Variants in CPAMD8 observed in about 807,000 individuals in gnomAD.
CPAMD8 encodes C3 and PZP-like alpha-2-macroglobulin domain-containing protein 8.
A neutral mutation model predicts 224.7 loss-of-function variants in CPAMD8; 146 were observed. The ratio of observed to expected loss-of-function variants is 0.65; its 90% CI spans 0.57 to 0.75. CPAMD8 has a LOEUF of 0.75. Ranked by LOEUF, CPAMD8 falls within the 30% of genes least tolerant of loss-of-function variation. CPAMD8 has a pLI of 0.00. For missense variants in CPAMD8, 2,301 were observed against 2,537.5 expected, an observed-to-expected ratio of 0.91 and a Z score of 2.00; for synonymous variants, 966 against 1,044.6, an observed-to-expected ratio of 0.92 and a Z score of 1.45.
intron 17 of CPAMD8, among the ~76,000 whole-genome samples, chr19:16,973,561 C>T (rs1314215237): frequency 6.6e-6 from 1 of 151,860 alleles, no homozygotes; most frequent in Non-Finnish European, 1.5e-5. Context: ...GTTGGCCAGG[C>T]TGGTCTCGAA....
intron 5 of CPAMD8, 51 bp downstream of exon 5, chr19:17,011,413 T>C (rs374776012): frequency 1.2e-4 from 189 of 1,595,646 alleles, no homozygotes; most frequent in Non-Finnish European, 1.6e-4. Context: ...CCTGGCCAGG[T>C]AGTCCCAAGT....
At position 16,921,978 on chromosome 19, in the gene CPAMD8, G is replaced by A. The variant is rs1349978599; in HGVS notation, c.3556C>T (p.Arg1186Cys). Reference sequence around the variant, plus strand: ...TCCTGGCGCTTGTAGGTCAGCTGGCGCTGGTAGCCTGTGGGGCAAGCAGAG... The same window carrying A: ...TCCTGGCGCTTGTAGGTCAGCTGGCACTGGTAGCCTGTGGGGCAAGCAGAG... ...TTDYLVQGYQRQLTYKRQDGS... is the reference protein window; with the variant it reads ...TTDYLVQGYQCQLTYKRQDGS... The change falls in exon 27 of 42, where the codon CGC becomes TGC. Residue 1186 changes from arginine (R) to cysteine (C), a missense_variant. Around this residue, in one of 4 missense-constraint regions of CPAMD8, gnomAD observed 1,709 missense variants for 1,753.2 expected, o/e 0.97. Transcript: ENST00000443236. The A allele has an allele frequency of 1.7e-5, 26 of 1,547,494 alleles. No individual in the cohort carries two copies. Among genetic ancestry groups the A allele is most frequent in the East Asian group, 4.9e-5 (2 of 40,914 alleles).
At chr19:16,903,180 A>T (rs2052331343) in intron 34 of CPAMD8, among the ~76,000 whole-genome samples, 1 of 151,946 alleles carries the variant, frequency 6.6e-6, no homozygotes, top group Non-Finnish European at 1.5e-5. Flanking sequence ...GAGGCTAGCG[A>T]GAGTCATCGC....
chr19:17,020,344 GT>G lies in CPAMD8; in HGVS notation c.253del (p.Thr85GlnfsTer16), dbSNP rs771751513. 6.3e-7 allele frequency: 1 copy of G among 1,585,388 alleles called. No individual in the cohort carries two copies. Among genetic ancestry groups the G allele is most frequent in the Non-Finnish European group, 8.7e-7 (1 of 1,154,638 alleles). ...TCAACGGCTTACCTTGAGTTTGATT[GT>G]CCCTTTATCTAAAAATGAAAATAAA... is the stretch of plus-strand genomic sequence containing the variant. ...QSQGAILDKG[T>X]IKLKVPTGLR... On this transcript the variant is annotated frameshift_variant, in exon 3 of 42. Transcript: ENST00000443236. LOFTEE classifies it high-confidence loss of function.
At chr19:16,940,195 AGCCACCAC>A (rs1424013576) in intron 22 of CPAMD8, among the ~76,000 whole-genome samples, 2 of 152,254 alleles carry the variant, frequency 1.3e-5, no homozygotes, top group Non-Finnish European at 2.9e-5. Context: ...TACAGGCGTG[AGCCACCAC>A]GCCCGGCCTC....
intron 2 of CPAMD8, 59 bp from the exon 3 acceptor site, chr19:17,020,412 T>C: frequency 8.0e-7 from 1 of 1,251,288 alleles, no homozygotes; most frequent in Admixed American, 1.7e-5. Context: ...CCTGCCTCCC[T>C]GAGCTGCAGC....
chr19:16,985,355 G>A (rs987374813), intron 13 of CPAMD8, among the ~76,000 whole-genome samples: 30 of 150,998 alleles, frequency 2.0e-4, no homozygotes, highest in African/African-American at 7.1e-4. Flanking sequence ...ATGGATGGAT[G>A]GATGGATGGA....
At chr19:17,009,453 C>T (rs2056587517) in intron 5 of CPAMD8, 133 bp from the exon 6 acceptor site, 1 of 1,480,060 alleles carries the variant, frequency 6.8e-7, no homozygotes, top group Non-Finnish European at 9.2e-7. Flanking sequence ...CCCTAGATTA[C>T]ATCCGTTGAA....
intron 13 of CPAMD8, among the ~76,000 whole-genome samples, chr19:16,981,512 T>C (rs1384913138): frequency 6.6e-6 from 1 of 152,104 alleles, no homozygotes; most frequent in Non-Finnish European, 1.5e-5. Context: ...ACTGAGGCCT[T>C]GGTTCTTTGC....
chr19:16,917,523 T>C (rs543150406), intron 27 of CPAMD8, among the ~76,000 whole-genome samples: 2 of 152,304 alleles, frequency 1.3e-5, no homozygotes, highest in South Asian at 4.2e-4. Context: ...GAGGATCGGC[T>C]GAGGCCAGGA....
At chr19:17,002,673 G>A in intron 8 of CPAMD8, 1 of 232,936 alleles carries the variant, frequency 4.3e-6, no homozygotes, top group Non-Finnish European at 8.5e-6. Context: ...CTGTGTCTGT[G>A]CATGGGATAG....
At chr19:16,896,019 A>T (rs1480359907) in intron 41 of CPAMD8, 157 bp downstream of exon 41, 2 of 805,116 alleles carry the variant, frequency 2.5e-6, no homozygotes, top group Non-Finnish European at 4.2e-6. Context: ...GTCCCCAGGA[A>T]CTCTGAGCCT....
chr19:16,896,091 G>C (rs2051967455), intron 41 of CPAMD8, 85 bp downstream of exon 41: 3 of 1,498,822 alleles, frequency 2.0e-6, no homozygotes, highest in Non-Finnish European at 2.8e-6. Flanking sequence ...AGTCGGGGCA[G>C]GTCGTCGGGG....
At chr19:17,005,217 T>C (rs1400219004) in intron 7 of CPAMD8, among the ~76,000 whole-genome samples, 1 of 151,628 alleles carries the variant, frequency 6.6e-6, no homozygotes, top group Non-Finnish European at 1.5e-5. Flanking sequence ...GGGGGCAAAG[T>C]CACCCCTTGG....
At chr19:16,894,615 G>A (rs1361052645) in intron 41 of CPAMD8, 4 of 377,668 alleles carry the variant, frequency 1.1e-5, no homozygotes, top group South Asian at 5.6e-5. Flanking sequence ...GTACAACTCT[G>A]CCTCCTTTCC....
intron 29 of CPAMD8, among the ~76,000 whole-genome samples, chr19:16,912,134 T>C (rs890215918): frequency 2.0e-5 from 3 of 152,136 alleles, no homozygotes; most frequent in Admixed American, 2.0e-4. Flanking sequence ...TATATTATAA[T>C]GTAATAATAA....
At chr19:16,990,719 C>T (rs1199565120) in intron 12 of CPAMD8, among the ~76,000 whole-genome samples, 1 of 151,466 alleles carries the variant, frequency 6.6e-6, no homozygotes, top group Non-Finnish European at 1.5e-5. Context: ...AAAAATTAGC[C>T]GGGCATGGTG....
At chr19:16,909,102 G>T (rs2052629560) in intron 29 of CPAMD8, among the ~76,000 whole-genome samples, 3 of 152,196 alleles carry the variant, frequency 2.0e-5, no homozygotes, top group African/African-American at 4.8e-5. Context: ...GTAGCGGGTT[G>T]AACGGTGGCC....
At chr19:17,002,545 C>A in intron 8 of CPAMD8, 195 bp from the exon 9 acceptor site, 1 of 496,558 alleles carries the variant, frequency 2.0e-6, no homozygotes. Context: ...CTTTGGGGGA[C>A]TAGGACCCCA....
Sources: allele counts gnomAD v4.1 joint callset (sites outside exome capture counted in the v4.1 genomes callset), GRCh38; gene constraint gnomAD v4.1.1; regional missense constraint gnomAD v4.1.1; transcripts MANE v1.5; gene names NCBI Gene and HGNC (gene_info 2026-07-23, HGNC 2026-07-21).